The following EFEMP1 variants were observed in gnomAD, a reference collection of about 807,000 sequenced individuals.
The protein encoded by EFEMP1 is EGF-like fibulin extracellular matrix protein 1.
EFEMP1 carries 18 observed loss-of-function variants against 65.7 expected under a neutral mutation model. The observed-to-expected ratio is 0.27, with a 90% CI of 0.19 to 0.41. The LOEUF is 0.41. Ranked by LOEUF, EFEMP1 falls within the 10% of genes least tolerant of loss-of-function variation. The pLI, the probability that EFEMP1 is intolerant of heterozygous loss-of-function variation, is 1.00. For synonymous variants in EFEMP1, 237 were observed against 219.7 expected, an observed-to-expected ratio of 1.08 and a Z score of -0.70; for missense variants, 469 against 624.8, an observed-to-expected ratio of 0.75 and a Z score of 2.66.
chr2:55,875,070 T>G lies in EFEMP1; in HGVS notation c.881-5A>C, dbSNP rs759163094. 1.9e-6 allele frequency: 3 copies of G among 1,593,028 alleles called. No homozygotes were observed. The highest frequency in any genetic ancestry group is 2.6e-6 in the Non-Finnish European group (3 of 1,167,640). ...AGGTTCTGCATTCATCAATGTCTGT[T>G]GAATTAGACAAGAGAAAGGACACAG... On this transcript the variant is annotated splice_polypyrimidine_tract_variant and splice_region_variant and intron_variant, in intron 8 of 11. Transcript: ENST00000355426.
intron 6 of EFEMP1, among the ~76,000 whole-genome samples, chr2:55,880,423 T>A (rs555278300): frequency 5.9e-5 from 9 of 152,268 alleles, no homozygotes; most frequent in Non-Finnish European, 1.0e-4. Context: ...TGGCCAAACT[T>A]TGTTATCTCT....
chr2:55,887,103 C>T (rs1367445794), intron 5 of EFEMP1, among the ~76,000 whole-genome samples: 1 of 151,760 alleles, frequency 6.6e-6, no homozygotes, highest in African/African-American at 2.4e-5. Flanking sequence ...TCCTAATAGC[C>T]CTGTGGAAGA....
chr2:55,911,725 G>A (rs1227513351), intron 5 of EFEMP1, among the ~76,000 whole-genome samples: 3 of 152,062 alleles, frequency 2.0e-5, no homozygotes, highest in Admixed American at 6.6e-5. Flanking sequence ...AGGGAGGTGT[G>A]TAGCACAGTC....
intron 5 of EFEMP1, among the ~76,000 whole-genome samples, chr2:55,897,364 G>A (rs531568176): frequency 4.0e-4 from 60 of 148,724 alleles, no homozygotes; most frequent in Middle Eastern, 3.4e-3. Flanking sequence ...ATTTTTCCCC[G>A]ATCTTATTCT....
chr2:55,878,015 T>A, intron 6 of EFEMP1, 150 bp from the exon 7 acceptor site: 3 of 937,030 alleles, frequency 3.2e-6, no homozygotes, highest in Non-Finnish European at 4.7e-6. Flanking sequence ...GTATTTTAAA[T>A]ATACTTTGTA....
Position 55,875,081 on chromosome 2 carries a change from A to G in EFEMP1, c.881-16T>C, listed in dbSNP as rs367687928. The G allele has an allele frequency of 1.3e-6, 2 of 1,583,040 alleles. No individual in the cohort carries two copies. The highest frequency in any genetic ancestry group is 1.7e-6 in the Non-Finnish European group (2 of 1,161,680). On this transcript the variant is annotated splice_polypyrimidine_tract_variant and intron_variant, in intron 8 of 11. Transcript: ENST00000355426. ...TCATCAATGTCTGTTGAATTAGACA[A>G]GAGAAAGGACACAGAGTTGAAAAGT... is the stretch of plus-strand genomic sequence containing the variant.
chr2:55,886,856 A>G lies in EFEMP1; in HGVS notation c.518-5122T>C, dbSNP rs1669438746. Among the ~76,000 whole-genome samples the G allele has an allele frequency of 6.6e-6, 1 of 152,204 alleles. No individual in the cohort carries two copies. On this transcript the variant is annotated intron_variant, in intron 5 of 11. Coordinates refer to ENST00000355426, the MANE Select transcript of EFEMP1 (RefSeq NM_001039348.3). The surrounding 1 kb of genome is among the most constrained non-coding windows in gnomAD (Gnocchi z 4.0). ...GCAAGACCTGAGGGCACTGAAGTTT[A>G]CTACTGTTTTACTCATCCAGTATTT...
At chr2:55,889,317 TG>T (rs1669546417) in intron 5 of EFEMP1, among the ~76,000 whole-genome samples, 1 of 152,214 alleles carries the variant, frequency 6.6e-6, no homozygotes, top group Admixed American at 6.5e-5. Context: ...CTACTAAATT[TG>T]GTGAGTGTAA....
intron 5 of EFEMP1, among the ~76,000 whole-genome samples, chr2:55,898,846 G>C (rs1244819105): frequency 1.3e-5 from 2 of 152,124 alleles, no homozygotes; most frequent in South Asian, 4.1e-4. Context: ...CACTGGGACT[G>C]GGGTGGGGAA....
At chr2:55,913,176 C>A (rs1329249946) in intron 5 of EFEMP1, among the ~76,000 whole-genome samples, 1 of 152,052 alleles carries the variant, frequency 6.6e-6, no homozygotes, top group Admixed American at 6.6e-5. Flanking sequence ...GAGGTGCAGG[C>A]GATTTGGCTG....
At chr2:55,906,756 T>A (rs572439877) in intron 5 of EFEMP1, among the ~76,000 whole-genome samples, 1 of 152,326 alleles carries the variant, frequency 6.6e-6, no homozygotes, top group Admixed American at 6.5e-5. Flanking sequence ...GTCTGAAGAA[T>A]GAAAAAGCTT....
chr2:55,900,375 G>A (rs868095147), intron 5 of EFEMP1, among the ~76,000 whole-genome samples: 2 of 150,440 alleles, frequency 1.3e-5, no homozygotes, highest in Middle Eastern at 3.4e-3. Flanking sequence ...GGGATGCTCC[G>A]GGTTGGCCTC....
chr2:55,884,213 C>T (rs766505282), intron 5 of EFEMP1, among the ~76,000 whole-genome samples: 12 of 152,200 alleles, frequency 7.9e-5, no homozygotes, highest in Middle Eastern at 3.4e-3. Flanking sequence ...TTTTCAATTA[C>T]GTTAATGTCA....
chr2:55,917,753 T>G lies in EFEMP1; in HGVS notation c.429A>C (p.Pro143=). 1.9e-6 allele frequency: 3 copies of G among 1,614,210 alleles called. No homozygotes were observed. The highest frequency in any genetic ancestry group is 2.2e-5 in the South Asian group (2 of 91,080). The stretch of plus-strand genomic sequence containing the variant: ...TGGAGGGAATGCGCTGAGGGTCAGC[T>G]GGGTTCCGCCGGATGACAAAGTTAT... ...GRNNFVIRRN[P]ADPQRIPSNP... The change falls in exon 5 of 12, where the codon CCA becomes CCC. Residue 143 remains proline (P), a synonymous_variant. Coordinates refer to ENST00000355426, the MANE Select transcript of EFEMP1 (RefSeq NM_001039348.3). The surrounding 1 kb of genome is among the most constrained non-coding windows in gnomAD (Gnocchi z 6.3).
At chr2:55,903,234 G>C (rs1364895736) in intron 5 of EFEMP1, among the ~76,000 whole-genome samples, 1 of 152,182 alleles carries the variant, frequency 6.6e-6, no homozygotes, top group Admixed American at 6.5e-5. Flanking sequence ...TAATTAGTAA[G>C]AGAGGGAAAT....
rs1668878714 is a variant in EFEMP1, at chr2:55,873,064, CTCCACACA to C, written c.1000+1874_1000+1881del. ...TATTCTTTTGTCTCTCTGTCTCTCT[CTCCACACA>C]CACACACACACACACACACACACAC... On this transcript the variant is annotated intron_variant, in intron 9 of 11. Transcript: ENST00000355426. The surrounding 1 kb of genome is among the most constrained non-coding windows in gnomAD (Gnocchi z 4.6). 1.6e-5 allele frequency among the ~76,000 whole-genome samples: 1 copy of C among 62,012 alleles called. No homozygotes were observed. The highest frequency in any genetic ancestry group is 7.6e-4 in the South Asian group (1 of 1,322). The allele number at this position is 62,012 out of a possible 152,430, so 40.7% of individuals were successfully genotyped here.
At chr2:55,899,033 C>G (rs1016064339) in intron 5 of EFEMP1, among the ~76,000 whole-genome samples, 2 of 152,174 alleles carry the variant, frequency 1.3e-5, no homozygotes, top group Non-Finnish European at 2.9e-5. Context: ...CCTAGGGTGT[C>G]CACCCACCAA....
At chr2:55,872,720 A>C (rs1215283030) in intron 9 of EFEMP1, among the ~76,000 whole-genome samples, 3 of 152,110 alleles carry the variant, frequency 2.0e-5, no homozygotes, top group Admixed American at 6.6e-5. Flanking sequence ...AGTCTCCAAG[A>C]GACAGTTACA....
chr2:55,909,236 C>G (rs1206834735), intron 5 of EFEMP1, among the ~76,000 whole-genome samples: 1 of 152,120 alleles, frequency 6.6e-6, no homozygotes, highest in Non-Finnish European at 1.5e-5. Context: ...TTCATTTATA[C>G]AAACAACATA....
Sources: allele counts gnomAD v4.1 joint callset (sites outside exome capture counted in the v4.1 genomes callset), GRCh38; gene constraint gnomAD v4.1.1; non-coding constraint Gnocchi (gnomAD v3.1); transcripts MANE v1.5; gene names NCBI Gene and HGNC (gene_info 2026-07-23, HGNC 2026-07-21).